Variants in ZNF536 observed in about 807,000 individuals in gnomAD.
The protein encoded by ZNF536 is zinc finger protein 536.
A neutral mutation model predicts 84.5 loss-of-function variants in ZNF536; 13 were observed. The ratio of observed to expected loss-of-function variants is 0.15; its 90% confidence interval spans 0.10 to 0.24. The LOEUF (loss-of-function observed/expected upper bound fraction) is 0.24, where lower values mean the gene tolerates loss of function less well. ZNF536 is among the 10% of genes least tolerant of loss of function. The pLI, the probability that ZNF536 is intolerant of heterozygous loss-of-function variation, is 1.00. For synonymous variants in ZNF536, 811 were observed against 742.5 expected (o/e 1.09, Z -1.50); for missense variants, 1,536 against 1,747.5 (o/e 0.88, Z 2.16).
intron 1 of ZNF536, among the ~76,000 whole-genome samples, chr19:30,690,446 C>A (rs1191633512): frequency 6.6e-6 from 1 of 152,180 alleles, no homozygotes; most frequent in South Asian, 2.1e-4. Context: ...CAGGTCGAGT[C>A]TCTCTCTTTC....
intron 2 of ZNF536, among the ~76,000 whole-genome samples, chr19:30,335,488 T>G (rs1160755958): frequency 1.3e-5 from 2 of 152,014 alleles, no homozygotes; most frequent in African/African-American, 4.8e-5. Flanking sequence ...CCACCCCTCT[T>G]CCCAGCAGAG....
In ZNF536 at chr19:30,416,635, G is replaced by T. The variant is rs539831589; in HGVS notation, c.-2-26926G>T. Among the ~76,000 whole-genome samples the T allele has an allele frequency of 4.6e-5, 7 of 152,212 alleles. No individual in the cohort carries two copies. The East Asian group carries it at 1.2e-3, about 25-fold the overall frequency. ...CCCATCCTCCCTGGGAAGAGGGCAG[G>T]CTTTCTCTCTGGCACTGGGAGACTC... On this transcript the variant is annotated intron_variant, in intron 1 of 4. Coordinates refer to ENST00000355537, the MANE Select transcript of ZNF536 (RefSeq NM_014717.3).
chr19:30,395,604 G>A (rs2049783183), intron 1 of ZNF536, among the ~76,000 whole-genome samples: 1 of 152,184 alleles, frequency 6.6e-6, no homozygotes. Context: ...TTAGTGGCAT[G>A]TTCTCTTCTG....
At chr19:30,338,998 G>A (rs1254894280) in intron 2 of ZNF536, among the ~76,000 whole-genome samples, 1 of 152,116 alleles carries the variant, frequency 6.6e-6, no homozygotes, top group Non-Finnish European at 1.5e-5. Context: ...CTCCATGTCA[G>A]CTTGGTCCCT....
chr19:30,406,577 G>A lies in ZNF536; in HGVS notation c.-3+34021G>A, dbSNP rs560692398. ...TAGCTCCAAGCATTGAGGAAACTTG[G>A]ATTATCTAGCAGTGATTGGGGTCAT... On this transcript the variant is annotated intron_variant, in intron 1 of 4. Transcript: ENST00000355537. Among the ~76,000 whole-genome samples, 21 of 152,284 alleles carry A rather than the reference G, an allele frequency of 1.4e-4. No homozygotes were observed. The South Asian group carries it at 3.3e-3, about 24-fold the overall frequency.
chr19:30,413,760 A>C (rs2050593118), intron 1 of ZNF536, among the ~76,000 whole-genome samples: 1 of 152,026 alleles, frequency 6.6e-6, no homozygotes, highest in South Asian at 2.1e-4. Context: ...TTGCTCCTTG[A>C]AGTTCTTTGA....
intron 1 of ZNF536, among the ~76,000 whole-genome samples, chr19:30,616,497 G>A (rs2048298927): frequency 6.6e-6 from 1 of 151,996 alleles, no homozygotes; most frequent in South Asian, 2.1e-4. Context: ...TTTTATTTAA[G>A]GAAATAACCC....
Position 30,549,459 on chromosome 19 carries a change from C to T in ZNF536, c.3840C>T (p.Asn1280=), listed in dbSNP as rs140116294. ...GTTCTGATGGCTTAGCAGCCTTTAA[C>T]GGACTTGCAAGTAGCACAGCAAATT... The part of the protein sequence containing the change: ...AYSSDGLAAF[N]GLASSTANSG... Residue 1280 remains asparagine (N), a synonymous_variant, in exon 4 of 5, where the codon AAC becomes AAT. Coordinates refer to ENST00000355537, the MANE Select transcript of ZNF536 (RefSeq NM_014717.3). 1.6e-4 allele frequency: 247 copies of T among 1,524,562 alleles called. No homozygotes were observed. The East Asian group carries it at 4.3e-3, about 26-fold the overall frequency. 94.4% of individuals were successfully genotyped at this position (1,524,562 alleles called of 1,614,324 possible). A position where few individuals can be genotyped will look rare whatever the true frequency, so the allele number is the denominator to read the frequency against.
intron 2 of ZNF536, among the ~76,000 whole-genome samples, chr19:30,464,687 G>A (rs1159695206): frequency 6.6e-6 from 1 of 151,964 alleles, no homozygotes; most frequent in African/African-American, 2.4e-5. Flanking sequence ...TCTCCAGGAA[G>A]TAGGTCCCAT....
chr19:30,604,337 C>T (rs1479883109), intron 1 of ZNF536, among the ~76,000 whole-genome samples: 8 of 151,964 alleles, frequency 5.3e-5, no homozygotes, highest in Admixed American at 2.6e-4. Flanking sequence ...AAAATATTCA[C>T]ATTTATAAGA....
intron 1 of ZNF536, among the ~76,000 whole-genome samples, chr19:30,242,850 G>GT (rs1004693691): frequency 6.6e-6 from 1 of 151,970 alleles, no homozygotes; most frequent in African/African-American, 2.4e-5. Flanking sequence ...TTCTTATTAT[G>GT]TTTTTTGGTG....
chr19:30,264,585 C>T (rs1032628258), intron 1 of ZNF536, among the ~76,000 whole-genome samples: 7 of 151,928 alleles, frequency 4.6e-5, no homozygotes, highest in South Asian at 2.1e-4. Context: ...TGGTAATTTG[C>T]GATTAATTTT....
At chr19:30,607,516 T>G (rs2047942636) in intron 1 of ZNF536, among the ~76,000 whole-genome samples, 1 of 151,850 alleles carries the variant, frequency 6.6e-6, no homozygotes, top group African/African-American at 2.4e-5. Flanking sequence ...GGTCAGGAGT[T>G]TGAAACCAAC....
At chr19:30,537,658 T>C (rs2045144525) in intron 3 of ZNF536, among the ~76,000 whole-genome samples, 1 of 152,212 alleles carries the variant, frequency 6.6e-6, no homozygotes, top group Admixed American at 6.5e-5. Flanking sequence ...AAGTTCTGGA[T>C]AACCTGGGAG....
chr19:30,498,008 G>C (rs2054793072), intron 2 of ZNF536, among the ~76,000 whole-genome samples: 1 of 152,132 alleles, frequency 6.6e-6, no homozygotes, highest in Non-Finnish European at 1.5e-5. Context: ...TCAGCTTATA[G>C]AAAATTATTA....
intron 2 of ZNF536, among the ~76,000 whole-genome samples, chr19:30,346,141 A>C (rs957316333): frequency 1.3e-5 from 2 of 152,126 alleles, no homozygotes; most frequent in African/African-American, 4.8e-5. Context: ...AGGGACCCCA[A>C]GGGTTTCCAA....
chr19:30,292,281 T>C (rs2045865471), intron 2 of ZNF536, among the ~76,000 whole-genome samples: 1 of 152,116 alleles, frequency 6.6e-6, no homozygotes, highest in Non-Finnish European at 1.5e-5. Flanking sequence ...CCATATTAAA[T>C]GAACAAAATC....
intron 1 of ZNF536, among the ~76,000 whole-genome samples, chr19:30,417,068 G>C (rs149910941): frequency 1.3e-5 from 2 of 151,814 alleles, no homozygotes; most frequent in African/African-American, 4.8e-5. Context: ...CTACCTCCTG[G>C]GTTCAAACAA....
rs148299792 is a variant in ZNF536 at position 30,353,955 on chromosome 19, C to T, written c.-3+1471C>T. ...CTTCCTCCGGGGGCAGTGAGTACAT[C>T]AGTTTGTTCTGGAACATTCCACTCT... On this transcript the variant is annotated intron_variant, in intron 3 of 5. Coordinates refer to the ZNF536 transcript ENST00000585628. Among the ~76,000 whole-genome samples, 22 of 152,248 alleles carry T rather than the reference C, an allele frequency of 1.4e-4. No individual in the cohort carries two copies. In the East Asian group the frequency reaches 4.3e-3, roughly 29 times the overall value.
Sources: allele counts gnomAD v4.1 joint callset (sites outside exome capture counted in the v4.1 genomes callset), GRCh38; gene constraint gnomAD v4.1.1; transcripts MANE v1.5; gene names NCBI Gene and HGNC (gene_info 2026-07-23, HGNC 2026-07-21).